The following CMIP variants were observed in gnomAD, a reference collection of about 807,000 sequenced individuals.
CMIP encodes c-Maf inducing protein, also known as C-Maf-inducing protein.
Under a neutral mutation model 97.3 loss-of-function variants are expected in CMIP, and 13 were observed. That is an observed-to-expected ratio of 0.13 (90% CI 0.09 to 0.21). The LOEUF is 0.21. Ranked by LOEUF, CMIP falls within the 10% of genes least tolerant of loss-of-function variation. CMIP has a pLI of 1.00. For synonymous variants in CMIP, 538 were observed against 436.3 expected (o/e 1.23, Z -2.91); for missense variants, 847 against 1,024.9 (o/e 0.83, Z 2.37).
At chr16:81,600,976 A>G (rs1430211581) in intron 1 of CMIP, among the ~76,000 whole-genome samples, 2 of 152,010 alleles carry the variant, frequency 1.3e-5, no homozygotes, top group African/African-American at 2.4e-5. Flanking sequence ...CCTTCCTTAC[A>G]GTGGGGTGGT....
intron 19 of CMIP, among the ~76,000 whole-genome samples, chr16:81,706,452 G>A (rs1341490213): frequency 2.0e-5 from 3 of 152,234 alleles, no homozygotes; most frequent in Non-Finnish European, 4.4e-5. Flanking sequence ...CGGCCAGTTT[G>A]GCTGCAAATG....
chr16:81,697,937 A>T (rs1004949345), intron 14 of CMIP: 3 of 151,232 alleles, frequency 2.0e-5, no homozygotes, highest in African/African-American at 7.3e-5. Context: ...GCTCTCGGTC[A>T]CCTCTCGGGT....
chr16:81,661,071 GAC>G, intron 6 of CMIP, 125 bp downstream of exon 6: 1 of 1,145,638 alleles, frequency 8.7e-7, no homozygotes, highest in Non-Finnish European at 1.3e-6. Flanking sequence ...CACGGTCCCA[GAC>G]ACAGGCGGAG....
intron 1 of CMIP, among the ~76,000 whole-genome samples, chr16:81,491,096 T>G (rs1414191894): frequency 3.9e-5 from 6 of 152,160 alleles, no homozygotes; most frequent in Non-Finnish European, 7.4e-5. Context: ...GTAGGGGTTT[T>G]GTGGTGGGTT....
chr16:81,612,130 C>G (rs1025054799), intron 2 of CMIP, among the ~76,000 whole-genome samples: 1 of 152,194 alleles, frequency 6.6e-6, no homozygotes, highest in Non-Finnish European at 1.5e-5. Flanking sequence ...TGAAAACGTC[C>G]TGAAGGTGCT....
intron 1 of CMIP, among the ~76,000 whole-genome samples, chr16:81,465,104 C>T (rs555760438): frequency 3.3e-5 from 5 of 152,224 alleles, no homozygotes; most frequent in African/African-American, 9.6e-5. Context: ...AGATGTTCAC[C>T]CCCCTTACCC....
chr16:81,474,766 G>A (rs541889781), intron 1 of CMIP, among the ~76,000 whole-genome samples: 3 of 152,126 alleles, frequency 2.0e-5, no homozygotes, highest in East Asian at 1.9e-4. Context: ...TCTCCTGCAC[G>A]CCCTTCCTGC....
intron 1 of CMIP, among the ~76,000 whole-genome samples, chr16:81,530,334 C>A (rs955050661): frequency 6.6e-6 from 1 of 152,178 alleles, no homozygotes; most frequent in African/African-American, 2.4e-5. Context: ...AAAGGTGGAT[C>A]CGGATCCCTC....
chr16:81,605,448 G>C (rs906829326), intron 1 of CMIP, among the ~76,000 whole-genome samples: 9 of 152,208 alleles, frequency 5.9e-5, no homozygotes, highest in African/African-American at 1.9e-4. Context: ...TGCCACCACT[G>C]TCTCCTTTCA....
intron 1 of CMIP, among the ~76,000 whole-genome samples, chr16:81,449,598 C>T (rs989216159): frequency 4.6e-5 from 7 of 152,090 alleles, no homozygotes; most frequent in Non-Finnish European, 8.8e-5. Flanking sequence ...TTACATACCC[C>T]CCTTCCCCCC....
At chr16:81,593,484 A>G (rs914813246) in intron 1 of CMIP, among the ~76,000 whole-genome samples, 2 of 152,126 alleles carry the variant, frequency 1.3e-5, no homozygotes, top group African/African-American at 2.4e-5. Context: ...GCCATCCATC[A>G]TGTGGAGCTG....
At chr16:81,697,079 C>T in intron 14 of CMIP, 1 of 226,538 alleles carries the variant, frequency 4.4e-6, no homozygotes, top group Non-Finnish European at 8.8e-6. Context: ...GGTCCACCAG[C>T]TTGTTTAATC....
At chr16:81,672,417 T>C (rs953434528) in intron 9 of CMIP, among the ~76,000 whole-genome samples, 4 of 152,204 alleles carry the variant, frequency 2.6e-5, no homozygotes, top group South Asian at 2.1e-4. Context: ...TGCAAATGCA[T>C]GTGTGCACTG....
At chr16:81,705,799 T>C (rs9936604) in intron 19 of CMIP, among the ~76,000 whole-genome samples, 195 bp downstream of exon 19, 71,681 of 152,124 alleles carry the variant, frequency 0.47, 17,404 homozygotes, top group East Asian at 0.6. Context: ...GGGAAAAATA[T>C]CCCTAACCTC....
chr16:81,507,205 G>A (rs1450415372), intron 1 of CMIP, among the ~76,000 whole-genome samples: 5 of 152,204 alleles, frequency 3.3e-5, no homozygotes, highest in African/African-American at 9.7e-5. Context: ...GCAGTGAGCC[G>A]ATTGTGCCAC....
At chr16:81,520,118 C>T (rs984401697) in intron 1 of CMIP, 2 of 152,102 alleles carry the variant, frequency 1.3e-5, no homozygotes, top group African/African-American at 2.4e-5. Flanking sequence ...GCAGGTGGGG[C>T]CTAAGATTTG....
chr16:81,699,777 G>A lies in CMIP; in HGVS notation c.1731G>A (p.Leu577=), dbSNP rs549157844. ...NKLGPCMLLA[L]RGNQTMVEIL... is the part of the protein sequence containing the mutation. ...TGGGTCCCTGCATGCTCCTGGCACT[G>A]AGGGGGAACCAGACCATGGTGGAGG... Residue 577 remains leucine (L), a synonymous_variant, in exon 15 of 21, where the codon CTG becomes CTA. Transcript: ENST00000537098. The A allele has an allele frequency of 1.4e-5, 23 of 1,613,016 alleles. No individual in the cohort carries two copies. In the East Asian group the frequency reaches 4.9e-4, roughly 34 times the overall value.
At chr16:81,619,863 A>G (rs2091970120) in intron 2 of CMIP, 2 of 152,124 alleles carry the variant, frequency 1.3e-5, no homozygotes, top group Non-Finnish European at 2.9e-5. Context: ...CACACACAGG[A>G]CTCAGAGCTG....
chr16:81,478,505 C>T (rs375699605), intron 1 of CMIP, among the ~76,000 whole-genome samples: 1 of 152,114 alleles, frequency 6.6e-6, no homozygotes, highest in East Asian at 1.9e-4. Context: ...CCACCGAGTG[C>T]GTTCTAGATC....
Sources: gnomAD v4.1 joint callset for allele counts (sites outside exome capture counted in the v4.1 genomes callset) on GRCh38, gnomAD v4.1.1 for gene constraint, MANE v1.5 for transcripts, NCBI Gene and HGNC (gene_info 2026-07-23, HGNC 2026-07-21) for gene names.